The following SCARB1 variants were observed in gnomAD, a reference collection of about 807,000 sequenced individuals.
SCARB1 encodes the protein CD36 and LIMPII analogous 1.
In SCARB1, 30 loss-of-function variants were observed where a neutral mutation model predicts 57.2. The ratio of observed to expected loss-of-function variants is 0.52; its 90% CI spans 0.39 to 0.71. SCARB1 has a LOEUF of 0.71. SCARB1 is among the 30% of genes least tolerant of loss of function. SCARB1 has a pLI of 0.00. For synonymous variants in SCARB1, 249 were observed against 268.3 expected (o/e 0.93, Z 0.70); for missense variants, 543 against 671.2 (o/e 0.81, Z 2.11).
Position 124,778,348 on chromosome 12 carries a change from C to T in SCARB1, c.*239G>A, listed in dbSNP as rs1438763949. On this transcript the variant is annotated 3_prime_UTR_variant, in exon 13 of 13. Coordinates refer to ENST00000261693, the MANE Select transcript of SCARB1 (RefSeq NM_005505.5). ...ACAGTGCTTGTTGACGAGCCTCTCCCTACAAGTCCCTTCAGCAGCAGCTCC... is the reference window on the plus strand; with the variant it reads ...ACAGTGCTTGTTGACGAGCCTCTCCTTACAAGTCCCTTCAGCAGCAGCTCC... The T allele has an allele frequency of 1.9e-6, 2 of 1,060,702 alleles. No individual in the cohort carries two copies. Among genetic ancestry groups the T allele is most frequent in the Non-Finnish European group, 2.4e-6 (2 of 827,900 alleles). The allele number at this position is 1,060,702 out of a possible 1,614,324, so 65.7% of individuals were successfully genotyped here.
At chr12:124,851,764 G>A (rs542360747) in intron 1 of SCARB1, among the ~76,000 whole-genome samples, 1 of 152,002 alleles carries the variant, frequency 6.6e-6, no homozygotes, top group East Asian at 1.9e-4. Context: ...GTGCCACCAT[G>A]CCCAGCTAAT....
At chr12:124,847,404 T>G (rs1283192013) in intron 1 of SCARB1, among the ~76,000 whole-genome samples, 2 of 152,202 alleles carry the variant, frequency 1.3e-5, no homozygotes, top group Non-Finnish European at 2.9e-5. Flanking sequence ...GGCACAAGAA[T>G]TTCCACAAGG....
rs1400677744 is a variant in SCARB1 at position 124,822,757 on chromosome 12, G to A, written c.127-5050C>T. 3.9e-5 allele frequency among the ~76,000 whole-genome samples: 6 copies of A among 152,066 alleles called. No individual in the cohort carries two copies. Among genetic ancestry groups the A allele is most frequent in the South Asian group, 2.1e-4 (1 of 4,822 alleles). On this transcript the variant is annotated intron_variant, in intron 1 of 12. Coordinates refer to ENST00000261693, the MANE Select transcript of SCARB1 (RefSeq NM_005505.5). The surrounding 1 kb of genome is among the most constrained non-coding windows in gnomAD (Gnocchi z 5.0). ...AAAAATATTAGCCGGGCATGGTGGC[G>A]CACACCTGTGGTCCCAGCTACTCAG...
At chr12:124,819,217 G>A (rs1950858342) in intron 1 of SCARB1, among the ~76,000 whole-genome samples, 1 of 152,084 alleles carries the variant, frequency 6.6e-6, no homozygotes, top group Non-Finnish European at 1.5e-5. Context: ...CAGTGAGGAA[G>A]GGAGCTCACA....
chr12:124,787,349 A>C (rs1949560963), intron 10 of SCARB1, 57 bp downstream of exon 10: 1 of 1,553,638 alleles, frequency 6.4e-7, no homozygotes, highest in African/African-American at 1.4e-5. Context: ...TCCTGCCTCA[A>C]ATGCCCACAT....
intron 1 of SCARB1, among the ~76,000 whole-genome samples, chr12:124,856,413 AAC>A (rs777028851): frequency 4.6e-5 from 7 of 152,180 alleles, no homozygotes; most frequent in Non-Finnish European, 2.9e-5. Flanking sequence ...CGTGTGTGCA[AAC>A]ACACACACAC....
At chr12:124,785,912 T>C (rs1233234567) in intron 11 of SCARB1, 1 of 712,718 alleles carries the variant, frequency 1.4e-6, no homozygotes, top group Admixed American at 3.0e-5. Flanking sequence ...TGAAATTATC[T>C]TTTCTGCTGA....
Position 124,814,036 on chromosome 12 carries a change from C to A in SCARB1, c.630+166G>T, listed in dbSNP as rs1950608207. Among the ~76,000 whole-genome samples the A allele has an allele frequency of 6.6e-6, 1 of 152,142 alleles. No individual in the cohort carries two copies. ...TTCAGTTCTATGAGCCCCAACATTC[C>A]CCATTTCACTCAAGCCGGTTTGAGT... On this transcript the variant is annotated intron_variant, in intron 4 of 12. Transcript: ENST00000261693. The surrounding 1 kb of genome is among the most constrained non-coding windows in gnomAD (Gnocchi z 4.7).
intron 7 of SCARB1, among the ~76,000 whole-genome samples, chr12:124,806,235 G>A (rs1950319806): frequency 6.6e-6 from 1 of 152,062 alleles, no homozygotes; most frequent in South Asian, 2.1e-4. Flanking sequence ...AGAGAGGAAG[G>A]AGTGAGGACT....
chr12:124,858,683 T>C (rs552940559), intron 1 of SCARB1, among the ~76,000 whole-genome samples: 5 of 151,836 alleles, frequency 3.3e-5, no homozygotes, highest in Non-Finnish European at 7.4e-5. Flanking sequence ...ATTGAGACCA[T>C]CCTGGCTAAA....
chr12:124,825,929 G>T (rs1023763314), intron 1 of SCARB1, among the ~76,000 whole-genome samples: 1 of 152,066 alleles, frequency 6.6e-6, no homozygotes, highest in South Asian at 2.1e-4. Context: ...CAGGTCACAG[G>T]GCGCAAAGCT....
intron 1 of SCARB1, among the ~76,000 whole-genome samples, chr12:124,827,413 A>ATATTAT (rs138195771): frequency 8.6e-5 from 13 of 151,562 alleles, no homozygotes; most frequent in Admixed American, 2.0e-4. Context: ...TCAGGGGTTA[A>ATATTAT]TATTATTATT....
intron 1 of SCARB1, among the ~76,000 whole-genome samples, chr12:124,829,761 T>A (rs1951313190): frequency 6.6e-6 from 1 of 152,224 alleles, no homozygotes; most frequent in Admixed American, 6.5e-5. Context: ...CCATCTCTAT[T>A]GAGCCCCACT....
In SCARB1 at chr12:124,789,958, C is replaced by T. The variant is rs1038318443; in HGVS notation, c.1203-2501G>A. Among the ~76,000 whole-genome samples the T allele has an allele frequency of 4.8e-5, 7 of 147,162 alleles. No individual in the cohort carries two copies. The highest frequency in any genetic ancestry group is 2.1e-4 in the South Asian group (1 of 4,682). ...CCAGGGAGTCAGAGGTTGCAGTGAGCGGAGATCATGCCATTGCACTCCAGC... is the reference window on the plus strand; with the variant it reads ...CCAGGGAGTCAGAGGTTGCAGTGAGTGGAGATCATGCCATTGCACTCCAGC... On this transcript the variant is annotated intron_variant, in intron 9 of 12. Coordinates refer to ENST00000261693, the MANE Select transcript of SCARB1 (RefSeq NM_005505.5). The surrounding 1 kb of genome is among the most constrained non-coding windows in gnomAD (Gnocchi z 4.4).
chr12:124,802,555 G>C (rs969083664), intron 7 of SCARB1, among the ~76,000 whole-genome samples: 2 of 152,132 alleles, frequency 1.3e-5, no homozygotes, highest in Non-Finnish European at 1.5e-5. Context: ...CACAGCCCCA[G>C]GTGGAGACCG....
intron 8 of SCARB1, among the ~76,000 whole-genome samples, 155 bp downstream of exon 8, chr12:124,799,969 G>A (rs1950074189): frequency 6.6e-6 from 1 of 152,184 alleles, no homozygotes; most frequent in Non-Finnish European, 1.5e-5. Context: ...TATGGAGTCG[G>A]GGTGAAGTAA....
At chr12:124,791,694 C>T (rs933930234) in intron 9 of SCARB1, among the ~76,000 whole-genome samples, 2 of 152,148 alleles carry the variant, frequency 1.3e-5, no homozygotes, top group Non-Finnish European at 2.9e-5. Flanking sequence ...CAGTGGCTCA[C>T]GCCTGTAATC....
chr12:124,815,229 C>T (rs1950665023), intron 2 of SCARB1, 115 bp from the exon 3 acceptor site: 4 of 1,193,904 alleles, frequency 3.4e-6, no homozygotes, highest in Non-Finnish European at 1.2e-6. Context: ...GTGCACACCT[C>T]CGGCCCCACA....
rs1244713957 is a variant in SCARB1 at position 124,789,445 on chromosome 12, C to T, written c.1203-1988G>A. ...AATGCGACACCTGGGAAACTGTGAC[C>T]TGCCACGACGAAGGGGACCGTGCAG... On this transcript the variant is annotated intron_variant, in intron 9 of 12. Transcript: ENST00000261693. The surrounding 1 kb of genome is among the most constrained non-coding windows in gnomAD (Gnocchi z 4.4). Among the ~76,000 whole-genome samples the T allele has an allele frequency of 6.6e-6, 1 of 152,154 alleles. No homozygotes were observed. Among genetic ancestry groups the T allele is most frequent in the African/African-American group, 2.4e-5 (1 of 41,436 alleles).
Sources: allele counts gnomAD v4.1 joint callset (sites outside exome capture counted in the v4.1 genomes callset), GRCh38; gene constraint gnomAD v4.1.1; non-coding constraint Gnocchi (gnomAD v3.1); transcripts MANE v1.5; gene names NCBI Gene and HGNC (gene_info 2026-07-23, HGNC 2026-07-21).